ARHGAP26: variants seen among roughly 807,000 people sequenced by gnomAD.
The protein encoded by ARHGAP26 is Rho GTPase activating protein 26.
Under a neutral mutation model 104.8 loss-of-function variants are expected in ARHGAP26, and 38 were observed. That is an observed-to-expected ratio of 0.36 (90% CI 0.28 to 0.48). The LOEUF is 0.48. Ranked by LOEUF, ARHGAP26 falls within the 20% of genes least tolerant of loss-of-function variation. The probability of loss-of-function intolerance (pLI) is 0.99; values close to 1 mark genes in which losing one functional copy is unlikely to be tolerated. For missense variants in ARHGAP26, 704 were observed against 947.9 expected (o/e 0.74, Z 3.38); for synonymous variants, 341 against 340.0 (o/e 1.00, Z -0.03).
intron 11 of ARHGAP26, among the ~76,000 whole-genome samples, chr5:142,990,223 C>T (rs974380136): frequency 6.6e-6 from 1 of 152,140 alleles, no homozygotes; most frequent in Non-Finnish European, 1.5e-5. Flanking sequence ...ATCACTGATA[C>T]CCTTTCTTCC....
At chr5:143,078,948 C>T (rs1052745513) in intron 17 of ARHGAP26, among the ~76,000 whole-genome samples, 1 of 152,230 alleles carries the variant, frequency 6.6e-6, no homozygotes, top group African/African-American at 2.4e-5. Context: ...TCCAGACATG[C>T]ACCTGATATC....
chr5:143,163,509 G>C (rs981753579), intron 20 of ARHGAP26, among the ~76,000 whole-genome samples: 1 of 147,642 alleles, frequency 6.8e-6, no homozygotes, highest in Admixed American at 6.8e-5. Flanking sequence ...CGAGTGCAAT[G>C]GTGCGATCTT....
chr5:142,863,891 A>C (rs1418541131), intron 1 of ARHGAP26, among the ~76,000 whole-genome samples: 1 of 151,918 alleles, frequency 6.6e-6, no homozygotes, highest in African/African-American at 2.4e-5. Flanking sequence ...GCCAGGATCA[A>C]CCCTCCCAGC....
intron 20 of ARHGAP26, chr5:143,168,443 CTCTTTTTTTTTTTTTTTTTTTT>C (rs1802318342): frequency 2.1e-5 from 1 of 47,120 alleles, no homozygotes; most frequent in Admixed American, 2.5e-4. Flanking sequence ...CCATCTGGAA[CTCTTTTTTTTTTTTTTTTTTTT>C]TTTTTTTTTT....
At chr5:142,961,213 G>A (rs1429325017) in intron 11 of ARHGAP26, among the ~76,000 whole-genome samples, 1 of 152,146 alleles carries the variant, frequency 6.6e-6, no homozygotes, top group Admixed American at 6.6e-5. Context: ...GATCCACGCT[G>A]GGCACGGTGG....
chr5:143,049,062 C>T (rs1784631651), intron 14 of ARHGAP26, among the ~76,000 whole-genome samples: 1 of 152,022 alleles, frequency 6.6e-6, no homozygotes, highest in Non-Finnish European at 1.5e-5. Flanking sequence ...GTCATCTTAC[C>T]CCTTTCCACT....
chr5:143,085,900 T>C (rs575183783), intron 17 of ARHGAP26, among the ~76,000 whole-genome samples: 1 of 152,348 alleles, frequency 6.6e-6, no homozygotes, highest in South Asian at 2.1e-4. Context: ...TGGTTTCTTA[T>C]AATATTTAAA....
At chr5:142,963,194 A>G (rs1212008693) in intron 11 of ARHGAP26, among the ~76,000 whole-genome samples, 1,172 of 102,412 alleles carry the variant, frequency 0.011, 43 homozygotes, top group African/African-American at 0.062. Flanking sequence ...ATATATATAT[A>G]TATATGTGTG....
intron 17 of ARHGAP26, among the ~76,000 whole-genome samples, chr5:143,087,042 T>A (rs1790694650): frequency 6.6e-6 from 1 of 152,234 alleles, no homozygotes. Flanking sequence ...CACTAAAGTG[T>A]TTGCCAGGGT....
intron 17 of ARHGAP26, among the ~76,000 whole-genome samples, chr5:143,063,846 G>A (rs1211701927): frequency 6.6e-6 from 1 of 152,174 alleles, no homozygotes; most frequent in African/African-American, 2.4e-5. Flanking sequence ...CACAGCCTTT[G>A]CTTGTTCGTC....
intron 17 of ARHGAP26, among the ~76,000 whole-genome samples, chr5:143,110,496 G>A (rs781419020): frequency 6.6e-6 from 1 of 152,154 alleles, no homozygotes; most frequent in Non-Finnish European, 1.5e-5. Flanking sequence ...GTAGTAGGTT[G>A]TGTGGTTGAA....
intron 11 of ARHGAP26, among the ~76,000 whole-genome samples, chr5:142,970,117 T>C (rs566037417): frequency 1.4e-4 from 21 of 152,356 alleles, no homozygotes; most frequent in African/African-American, 5.0e-4. Flanking sequence ...ATAAAGTGTT[T>C]GTTGAACATG....
chr5:143,166,165 CT>C, intron 20 of ARHGAP26: 1 of 1,151,532 alleles, frequency 8.7e-7, no homozygotes, highest in Non-Finnish European at 1.1e-6. Flanking sequence ...CGCCCTTCCC[CT>C]AACTCATCTA....
At chr5:142,815,159 C>G (rs949412935) in intron 1 of ARHGAP26, among the ~76,000 whole-genome samples, 3 of 152,196 alleles carry the variant, frequency 2.0e-5, no homozygotes, top group African/African-American at 7.2e-5. Context: ...CGCTGCTACA[C>G]CTGGCTAATT....
chr5:143,075,431 G>A (rs894868828), intron 17 of ARHGAP26, among the ~76,000 whole-genome samples: 1 of 151,712 alleles, frequency 6.6e-6, no homozygotes, highest in African/African-American at 2.4e-5. Flanking sequence ...TTAAGTTTTT[G>A]AGTTTTTAAA....
At chr5:142,984,245 T>C (rs890573772) in intron 11 of ARHGAP26, among the ~76,000 whole-genome samples, 1 of 152,240 alleles carries the variant, frequency 6.6e-6, no homozygotes, top group African/African-American at 2.4e-5. Context: ...TATCCACTTA[T>C]GTCTCATTGA....
chr5:143,102,557 A>G (rs1050941867), intron 17 of ARHGAP26, among the ~76,000 whole-genome samples: 1 of 152,218 alleles, frequency 6.6e-6, no homozygotes, highest in Non-Finnish European at 1.5e-5. Flanking sequence ...CGGTCACACA[A>G]TTAAAAGTTG....
chr5:143,218,202 T>G (rs1383645777), intron 22 of ARHGAP26, among the ~76,000 whole-genome samples: 2 of 152,218 alleles, frequency 1.3e-5, no homozygotes, highest in Admixed American at 6.5e-5. Flanking sequence ...AAGAAATAGA[T>G]GCACACCACT....
Position 143,214,000 on chromosome 5 carries a change from A to T in ARHGAP26, c.2103A>T (p.Thr701=). The T allele has an allele frequency of 6.3e-7, 1 of 1,585,222 alleles. No individual in the cohort carries two copies. The highest frequency in any genetic ancestry group is 1.3e-5 in the African/African-American group (1 of 74,478). The change falls in exon 22 of 23, where the codon ACA becomes ACT. Residue 701 remains threonine, a synonymous_variant. Coordinates refer to ENST00000645722, the MANE Select transcript of ARHGAP26 (RefSeq NM_001135608.3). Reference sequence around the variant, plus strand: ...ATAAACTCCTGTTTTCACACAGCACACCGTTCCGGAAGGCAAAAGCCTTGT... The same window carrying T: ...ATAAACTCCTGTTTTCACACAGCACTCCGTTCCGGAAGGCAAAAGCCTTGT... ...STSSDSSPVS[T]PFRKAKALYA... is the part of the protein sequence containing the mutation.
Sources: gnomAD v4.1 joint callset for allele counts (sites outside exome capture counted in the v4.1 genomes callset) on GRCh38, gnomAD v4.1.1 for gene constraint, MANE v1.5 for transcripts, NCBI Gene and HGNC (gene_info 2026-07-23, HGNC 2026-07-21) for gene names.